ZNF546: variants seen among roughly 807,000 people sequenced by gnomAD.
ZNF546 encodes the protein CTC-471F3.6.
Under a neutral mutation model 76.2 loss-of-function variants are expected in ZNF546, and 60 were observed. The ratio of observed to expected loss-of-function variants is 0.79; its 90% confidence interval spans 0.64 to 0.98. The LOEUF is 0.98. Ranked by LOEUF, ZNF546 falls within the 50% of genes least tolerant of loss-of-function variation. The pLI, the probability that ZNF546 is intolerant of heterozygous loss-of-function variation, is 0.00. For synonymous variants in ZNF546, 277 were observed against 328.1 expected, an observed-to-expected ratio of 0.84 and a Z score of 1.68; for missense variants, 936 against 1,035.6, an observed-to-expected ratio of 0.90 and a Z score of 1.32.
chr19:39,998,391 T>C lies in ZNF546; in HGVS notation c.65T>C (p.Leu22Pro). 1.9e-6 allele frequency: 3 copies of C among 1,614,080 alleles called. No homozygotes were observed. The highest frequency in any genetic ancestry group is 2.5e-6 in the Non-Finnish European group (3 of 1,179,900). Residue 22 changes from leucine to proline, a missense_variant, in exon 3 of 7, where the codon CTG (leucine) becomes CCG (proline). Transcript: ENST00000347077. ...NDFLIFQIIP[L>P]HSLSIMPRFL... ...TTTCTCATTTTTCAAATCATTCCTC[T>C]GCACTCACTTTCTATAATGGTAGAG...
intron 6 of ZNF546, among the ~76,000 whole-genome samples, chr19:40,011,540 G>C (rs756439889): frequency 1.3e-5 from 2 of 152,030 alleles, no homozygotes; most frequent in Non-Finnish European, 2.9e-5. Context: ...GAAATTTTAT[G>C]GTTTTAGATT....
chr19:40,006,172 C>T lies in ZNF546; in HGVS notation c.161C>T (p.Thr54Ile), dbSNP rs757487205. The T allele has an allele frequency of 3.7e-6, 6 of 1,613,000 alleles. No homozygotes were observed. In the East Asian group the frequency reaches 1.3e-4, roughly 36 times the overall value. ...CTGACAAGTTCTTGTGGTTCTAAAACCATGGCCAATGTAAGTTTGTGTTTT... is the reference window on the plus strand; with the variant it reads ...CTGACAAGTTCTTGTGGTTCTAAAATCATGGCCAATGTAAGTTTGTGTTTT... The part of the protein sequence containing the change: ...GELTSSCGSK[T>I]MANVSLAFRD... The change falls in exon 4 of 7, where the codon ACC (threonine) becomes ATC (isoleucine). Residue 54 changes from threonine to isoleucine, a missense_variant. Coordinates refer to ENST00000347077, the MANE Select transcript of ZNF546 (RefSeq NM_178544.5).
rs1971537945 is a variant in ZNF546, at chr19:40,002,077, G to A, written c.84+3667G>A. On this transcript the variant is annotated intron_variant, in intron 3 of 6. Coordinates refer to ENST00000347077, the MANE Select transcript of ZNF546 (RefSeq NM_178544.5). The stretch of plus-strand genomic sequence containing the variant: ...CAGAGTTTGTGTTATTAATGACAAC[G>A]TTATAACCCTGCCCATAATGGCATA... Among the ~76,000 whole-genome samples, 4 of 152,256 alleles carry A rather than the reference G, an allele frequency of 2.6e-5. No homozygotes were observed. In the South Asian group the frequency reaches 8.3e-4, roughly 32 times the overall value.
intron 2 of ZNF546, 45 bp from the exon 3 acceptor site, chr19:39,998,203 T>G: frequency 1.4e-6 from 1 of 699,288 alleles, no homozygotes; most frequent in Non-Finnish European, 2.4e-6. Flanking sequence ...GTCTATATCT[T>G]TAAGTAAATC....
In ZNF546 at chr19:40,019,917, A is replaced by G. The variant is rs940712101; in HGVS notation, c.*4136A>G. 6.6e-6 allele frequency: 1 copy of G among 152,208 alleles called. No individual in the cohort carries two copies. Among genetic ancestry groups the G allele is most frequent in the African/African-American group, 2.4e-5 (1 of 41,456 alleles). The allele number at this position is 152,208 out of a possible 1,614,324, so 9.4% of individuals were successfully genotyped here. ...GCTTTAAATGGCCAAATTGTGGCTT[A>G]GATTGGATATGATAATTTCCTCAAT... On this transcript the variant is annotated 3_prime_UTR_variant, in exon 7 of 7. Coordinates refer to ENST00000347077, the MANE Select transcript of ZNF546 (RefSeq NM_178544.5).
rs773035219 is a variant in ZNF546 at position 40,006,160 on chromosome 19, GTGGTTCTAAAACCA to G, written c.153_166del (p.Ser52GlnfsTer7). The stretch of plus-strand genomic sequence containing the variant: ...ACTCAAGGAGAACTGACAAGTTCTT[GTGGTTCTAAAACCA>G]TGGCCAATGTAAGTTTGTGTTTTTC... On this transcript the variant is annotated frameshift_variant, in exon 4 of 7. Coordinates refer to ENST00000347077, the MANE Select transcript of ZNF546 (RefSeq NM_178544.5). LOFTEE classifies it high-confidence loss of function. 1 of 1,613,622 alleles carries G rather than the reference GTGGTTCTAAAACCA, an allele frequency of 6.2e-7. No homozygotes were observed. The highest frequency in any genetic ancestry group is 1.7e-5 in the Admixed American group (1 of 59,920).
chr19:40,008,021 G>A (rs535566435), intron 5 of ZNF546, among the ~76,000 whole-genome samples: 1 of 152,194 alleles, frequency 6.6e-6, no homozygotes, highest in Admixed American at 6.5e-5. Context: ...CTATATACTG[G>A]GCATATTATA....
intron 3 of ZNF546, among the ~76,000 whole-genome samples, chr19:40,002,893 G>T (rs775359646): frequency 3.9e-4 from 60 of 151,972 alleles, no homozygotes; most frequent in Non-Finnish European, 6.6e-4. Flanking sequence ...AGAGACAGGG[G>T]TTCACTATAT....
chr19:40,006,237 T>C, intron 4 of ZNF546, 55 bp downstream of exon 4: 4 of 1,506,866 alleles, frequency 2.7e-6, no homozygotes, highest in Non-Finnish European at 9.2e-7. Context: ...CATGTGATCA[T>C]TGAAGTCTCG....
chr19:40,005,122 G>T (rs1293736121), intron 3 of ZNF546, among the ~76,000 whole-genome samples: 1 of 147,546 alleles, frequency 6.8e-6, no homozygotes, highest in Non-Finnish European at 1.5e-5. Flanking sequence ...GGGTTCAAGC[G>T]ATTCTCCTGC....
At position 40,015,272 on chromosome 19, in the gene ZNF546, A is replaced by T; in HGVS notation, c.2002A>T (p.Thr668Ser). The T allele has an allele frequency of 6.2e-7, 1 of 1,614,148 alleles. No individual in the cohort carries two copies. The highest frequency in any genetic ancestry group is 1.1e-5 in the South Asian group (1 of 91,086). ...IHTGEKPYEC[T>S]ECGKTFSRHY... ...TACTGGTGAGAAACCCTACGAATGT[A>T]CGGAATGTGGGAAGACGTTTAGTCG... The change falls in exon 7 of 7, where the codon ACG (threonine) becomes TCG (serine). Residue 668 changes from threonine to serine, a missense_variant. Physicochemically the swap from Thr to Ser is moderately conservative, Grantham distance 58 (BLOSUM62 1). Transcript: ENST00000347077.
intron 3 of ZNF546, among the ~76,000 whole-genome samples, chr19:40,002,684 G>A (rs1033144273): frequency 6.6e-6 from 1 of 151,036 alleles, no homozygotes; most frequent in East Asian, 1.9e-4. Context: ...TGGCTAGTGT[G>A]ACTGGGAAAC....
chr19:40,014,715 A>G lies in ZNF546; in HGVS notation c.1445A>G (p.Tyr482Cys). Residue 482 changes from tyrosine to cysteine, a missense_variant, in exon 7 of 7, where the codon TAT (tyrosine) becomes TGT (cysteine). Coordinates refer to ENST00000347077, the MANE Select transcript of ZNF546 (RefSeq NM_178544.5). ...TGTGGGAAGGCCTTTATTTGTGGTT[A>G]TCAACTTACTTTACATCTGAGAACT... ...KECGKAFICG[Y>C]QLTLHLRTHT... is the part of the protein sequence containing the mutation. 6.2e-7 allele frequency: 1 copy of G among 1,613,556 alleles called. No homozygotes were observed.
In ZNF546 at chr19:40,018,640, C is replaced by T. The variant is rs1300168700; in HGVS notation, c.*2859C>T. The T allele has an allele frequency of 6.6e-6, 1 of 152,182 alleles. No homozygotes were observed. The highest frequency in any genetic ancestry group is 2.4e-5 in the African/African-American group (1 of 41,426). The allele number at this position is 152,182 out of a possible 1,614,324, so 9.4% of individuals were successfully genotyped here. ...GGCAGGAATAACACTGTGATTTCCACGACTAAGTCATAAAAGGCAATACAG... is the reference window on the plus strand; with the variant it reads ...GGCAGGAATAACACTGTGATTTCCATGACTAAGTCATAAAAGGCAATACAG... On this transcript the variant is annotated 3_prime_UTR_variant, in exon 7 of 7. Coordinates refer to ENST00000347077, the MANE Select transcript of ZNF546 (RefSeq NM_178544.5).
intron 3 of ZNF546, among the ~76,000 whole-genome samples, chr19:40,000,615 C>CAAAAAAAAAAAAAAAAAAAAA (rs550470156): frequency 1.8e-5 from 1 of 56,784 alleles, no homozygotes; most frequent in African/African-American, 6.2e-5. Flanking sequence ...GACTCTGTCT[C>CAAAAAAAAAAAAAAAAAAAAA]AAAAAAAAAA....
intron 6 of ZNF546, among the ~76,000 whole-genome samples, chr19:40,010,846 C>A (rs1293320786): frequency 6.6e-6 from 1 of 152,056 alleles, no homozygotes; most frequent in Non-Finnish European, 1.5e-5. Flanking sequence ...CCATGCCCAG[C>A]TAATTTTTGT....
intron 3 of ZNF546, among the ~76,000 whole-genome samples, chr19:40,004,266 A>C (rs940134203): frequency 1.7e-4 from 26 of 151,508 alleles, no homozygotes; most frequent in African/African-American, 5.8e-4. Context: ...GTATATTTTA[A>C]ATTTTTATTT....
chr19:40,005,038 A>C (rs1330082286), intron 3 of ZNF546, among the ~76,000 whole-genome samples: 8 of 55,732 alleles, frequency 1.4e-4, no homozygotes, highest in Non-Finnish European at 6.6e-5. Flanking sequence ...TTTTTTTTTG[A>C]GACAGAGTCT....
intron 2 of ZNF546, 47 bp from the exon 3 acceptor site, chr19:39,998,201 C>A (rs1281009661): frequency 2.9e-6 from 2 of 690,876 alleles, no homozygotes; most frequent in Non-Finnish European, 5.0e-6. Context: ...TGGTCTATAT[C>A]TTTAAGTAAA....
Sources: gnomAD v4.1 joint callset for allele counts (sites outside exome capture counted in the v4.1 genomes callset) on GRCh38, gnomAD v4.1.1 for gene constraint, MANE v1.5 for transcripts, NCBI Gene and HGNC (gene_info 2026-07-23, HGNC 2026-07-21) for gene names.